The following PHKB variants were observed in gnomAD, a reference collection of about 807,000 sequenced individuals.
PHKB encodes phosphorylase kinase regulatory subunit beta.
Under a neutral mutation model 152.1 loss-of-function variants are expected in PHKB, and 122 were observed. The observed-to-expected ratio is 0.80, with a 90% CI of 0.69 to 0.93. The LOEUF is 0.93. Among genes scored for constraint, PHKB ranks in the 40% least tolerant of loss-of-function variants. PHKB has a pLI of 0.00. For missense variants in PHKB, 1,304 were observed against 1,328.4 expected (o/e 0.98, Z 0.29); for synonymous variants, 436 against 464.9 (o/e 0.94, Z 0.80).
chr16:47,623,786 G>T (rs2151716368), intron 14 of PHKB, among the ~76,000 whole-genome samples: 1 of 152,166 alleles, frequency 6.6e-6, no homozygotes, highest in South Asian at 2.1e-4. Flanking sequence ...TCGAACTCCT[G>T]ATCTCAAGTG....
intron 26 of PHKB, among the ~76,000 whole-genome samples, chr16:47,688,358 A>T (rs1247547079): frequency 1.3e-5 from 2 of 152,248 alleles, no homozygotes; most frequent in Non-Finnish European, 2.9e-5. Context: ...AATGGAAGAA[A>T]TGAGATGAAT....
At chr16:47,489,060 T>G (rs1970100560) in intron 1 of PHKB, among the ~76,000 whole-genome samples, 1 of 152,168 alleles carries the variant, frequency 6.6e-6, no homozygotes. Context: ...TTATTTGTAT[T>G]TGTATTTTTT....
At chr16:47,693,661 A>G (rs1974101960) in intron 28 of PHKB, among the ~76,000 whole-genome samples, 154 bp downstream of exon 28, 1 of 152,164 alleles carries the variant, frequency 6.6e-6, no homozygotes, top group Admixed American at 6.5e-5. Flanking sequence ...CATCTAATCA[A>G]TTGGATTGAA....
At chr16:47,617,106 A>G (rs1972532715) in intron 14 of PHKB, among the ~76,000 whole-genome samples, 1 of 151,582 alleles carries the variant, frequency 6.6e-6, no homozygotes, top group Admixed American at 6.6e-5. Context: ...GATTTTGTTT[A>G]TGTCCAGTTT....
chr16:47,660,055 G>A (rs1474142061), intron 20 of PHKB, among the ~76,000 whole-genome samples: 3 of 152,016 alleles, frequency 2.0e-5, no homozygotes, highest in Non-Finnish European at 4.4e-5. Flanking sequence ...GTAGAGATGG[G>A]GTTTCACCAG....
chr16:47,476,330 A>G (rs1254254732), intron 1 of PHKB, among the ~76,000 whole-genome samples: 4 of 152,042 alleles, frequency 2.6e-5, no homozygotes, highest in East Asian at 1.9e-4. Flanking sequence ...GAATCTTTTT[A>G]TATAAATTTC....
intron 20 of PHKB, among the ~76,000 whole-genome samples, chr16:47,651,730 A>C (rs965348207): frequency 4.6e-5 from 7 of 152,210 alleles, no homozygotes; most frequent in African/African-American, 1.4e-4. Flanking sequence ...GAAAGAGGAA[A>C]GTTTATAAAG....
chr16:47,569,107 T>C (rs1220987335), intron 7 of PHKB, among the ~76,000 whole-genome samples: 2 of 152,188 alleles, frequency 1.3e-5, no homozygotes, highest in Admixed American at 1.3e-4. Context: ...TGTAGTGCTG[T>C]CAATGAAGTG....
chr16:47,627,691 G>A (rs1279618347), intron 14 of PHKB, among the ~76,000 whole-genome samples: 1 of 152,190 alleles, frequency 6.6e-6, no homozygotes, highest in Non-Finnish European at 1.5e-5. Context: ...CTTGAGCCAA[G>A]TTTAGCTTTT....
At chr16:47,496,545 T>C (rs1970235591) in intron 1 of PHKB, among the ~76,000 whole-genome samples, 1 of 152,214 alleles carries the variant, frequency 6.6e-6, no homozygotes, top group African/African-American at 2.4e-5. Flanking sequence ...GGCTATATGG[T>C]ATACATTACC....
intron 14 of PHKB, among the ~76,000 whole-genome samples, chr16:47,620,403 A>G (rs1972596212): frequency 6.6e-6 from 1 of 152,200 alleles, no homozygotes; most frequent in South Asian, 2.1e-4. Flanking sequence ...GATAGTTCCA[A>G]TGCAGACATG....
intron 20 of PHKB, among the ~76,000 whole-genome samples, chr16:47,654,206 A>G (rs1973290689): frequency 6.6e-6 from 1 of 152,200 alleles, no homozygotes; most frequent in Non-Finnish European, 1.5e-5. Flanking sequence ...TACGATCAAT[A>G]TGCTTAACTG....
chr16:47,647,582 C>G (rs1973155358), intron 16 of PHKB, among the ~76,000 whole-genome samples: 1 of 151,182 alleles, frequency 6.6e-6, no homozygotes, highest in East Asian at 1.9e-4. Context: ...ACTGCAAGTT[C>G]TGCCTCCTGG....
chr16:47,467,174 A>G (rs1462230581), intron 1 of PHKB, among the ~76,000 whole-genome samples: 1 of 152,226 alleles, frequency 6.6e-6, no homozygotes, highest in African/African-American at 2.4e-5. Context: ...GATGTGTATT[A>G]AAGACTAATG....
At chr16:47,523,902 G>A (rs139810017) in intron 6 of PHKB, among the ~76,000 whole-genome samples, 18 of 152,226 alleles carry the variant, frequency 1.2e-4, no homozygotes, top group African/African-American at 3.4e-4. Flanking sequence ...GGTGATTTGG[G>A]GGAGTTCTAA....
intron 16 of PHKB, among the ~76,000 whole-genome samples, chr16:47,644,622 T>C (rs1973083825): frequency 6.6e-6 from 1 of 152,174 alleles, no homozygotes; most frequent in South Asian, 2.1e-4. Flanking sequence ...TAGGAAAATA[T>C]AGGTTAGATG....
chr16:47,623,385 A>T (rs556807862), intron 14 of PHKB, among the ~76,000 whole-genome samples: 5 of 151,968 alleles, frequency 3.3e-5, no homozygotes, highest in Non-Finnish European at 5.9e-5. Context: ...AAAGAAATTG[A>T]ATGTTTAGCA....
At chr16:47,635,975 A>G (rs1408641570) in intron 14 of PHKB, among the ~76,000 whole-genome samples, 1 of 152,248 alleles carries the variant, frequency 6.6e-6, no homozygotes, top group Non-Finnish European at 1.5e-5. Flanking sequence ...ACAACATTCA[A>G]GATACTGTGT....
intron 13 of PHKB, among the ~76,000 whole-genome samples, chr16:47,604,297 T>C (rs1972285754): frequency 1.3e-5 from 2 of 152,312 alleles, no homozygotes; most frequent in South Asian, 4.1e-4. Context: ...TTGCTATATT[T>C]TCATGAGCAG....
Sources: allele counts gnomAD v4.1 joint callset (sites outside exome capture counted in the v4.1 genomes callset), GRCh38; gene constraint gnomAD v4.1.1; transcripts MANE v1.5; gene names NCBI Gene and HGNC (gene_info 2026-07-23, HGNC 2026-07-21).